TANC1: variants seen among roughly 807,000 people sequenced by gnomAD.
TANC1 encodes the protein tetratricopeptide repeat, ankyrin repeat and coiled-coil containing 1.
A neutral mutation model predicts 149.7 loss-of-function variants in TANC1; 77 were observed. That is an observed-to-expected ratio of 0.51 (90% CI 0.43 to 0.62). The LOEUF (loss-of-function observed/expected upper bound fraction) is 0.62. TANC1 is among the 20% of genes least tolerant of loss of function. The pLI is 0.00. For missense variants in TANC1, 1,985 were observed against 2,321.8 expected, an observed-to-expected ratio of 0.85 and a Z score of 2.98; for synonymous variants, 854 against 925.0, an observed-to-expected ratio of 0.92 and a Z score of 1.39.
At chr2:159,116,976 A>G (rs1203968228) in intron 4 of TANC1, among the ~76,000 whole-genome samples, 1 of 152,190 alleles carries the variant, frequency 6.6e-6, no homozygotes, top group Admixed American at 6.5e-5. Context: ...ACTTTACTTC[A>G]TTGCCACCCG....
At chr2:159,216,475 C>G (rs2059353146) in intron 19 of TANC1, among the ~76,000 whole-genome samples, 1 of 152,186 alleles carries the variant, frequency 6.6e-6, no homozygotes, top group African/African-American at 2.4e-5. Flanking sequence ...AGCTGATCAT[C>G]CTGGCCTGGG....
At chr2:159,053,912 C>T (rs1250469238) in intron 2 of TANC1, among the ~76,000 whole-genome samples, 2 of 152,104 alleles carry the variant, frequency 1.3e-5, no homozygotes, top group African/African-American at 4.8e-5. Flanking sequence ...CACACATGGA[C>T]AGCACTGTAG....
chr2:159,171,871 A>AAAAAG (rs367628268), intron 10 of TANC1, among the ~76,000 whole-genome samples: 15,406 of 105,112 alleles, frequency 0.15, 1,820 homozygotes, highest in East Asian at 0.47. Flanking sequence ...AAAAAAAAAA[A>AAAAAG]AAAAGAAAAA....
intron 17 of TANC1, among the ~76,000 whole-genome samples, chr2:159,195,085 A>C (rs933167165): frequency 6.6e-6 from 1 of 152,200 alleles, no homozygotes; most frequent in South Asian, 2.1e-4. Context: ...TCATATATGA[A>C]GTAAGTATGT....
chr2:159,112,226 T>G (rs535909874), intron 4 of TANC1, among the ~76,000 whole-genome samples: 1 of 152,094 alleles, frequency 6.6e-6, no homozygotes, highest in East Asian at 1.9e-4. Context: ...GTTTTTTGGG[T>G]TTTTTTGTTG....
intron 8 of TANC1, among the ~76,000 whole-genome samples, chr2:159,166,323 A>G (rs62171120): frequency 0.03 from 4,633 of 152,244 alleles, 90 homozygotes; most frequent in African/African-American, 0.055. Context: ...TGGACTTTCC[A>G]TAGGTTAGAC....
At chr2:159,088,214 C>T (rs573350571) in intron 3 of TANC1, among the ~76,000 whole-genome samples, 2 of 152,078 alleles carry the variant, frequency 1.3e-5, no homozygotes, top group East Asian at 1.9e-4. Flanking sequence ...TCAGAGGCTC[C>T]GAGGTTTTGT....
At chr2:159,226,233 T>C in intron 24 of TANC1, 1 of 179,608 alleles carries the variant, frequency 5.6e-6, no homozygotes, top group Non-Finnish European at 1.1e-5. Flanking sequence ...GTTGGCTTAA[T>C]ATCTTTCCGG....
Position 159,227,887 on chromosome 2 carries a change from C to A in TANC1, c.3972C>A (p.Phe1324Leu). 1 of 1,614,094 alleles carries A rather than the reference C, an allele frequency of 6.2e-7. No individual in the cohort carries two copies. Among genetic ancestry groups the A allele is most frequent in the South Asian group, 1.1e-5 (1 of 91,070 alleles). ...TAAGAAAGTTTCCTCGAGAAGGATTCGGAGAGGACATGAGACCCTTCAATG... is the reference window on the plus strand; with the variant it reads ...TAAGAAAGTTTCCTCGAGAAGGATTAGGAGAGGACATGAGACCCTTCAATG... ...YALRKFPREG[F>L]GEDMRPFNEL... Residue 1324 changes from phenylalanine to leucine, a missense_variant, in exon 25 of 27, where the codon TTC becomes TTA. Around this residue, in one of 3 missense-constraint regions of TANC1, gnomAD observed 920 missense variants for 994.7 expected, o/e 0.92. Transcript: ENST00000263635.
chr2:158,987,193 G>GACAGAGCA (rs1157340199), intron 1 of TANC1, among the ~76,000 whole-genome samples: 3 of 121,944 alleles, frequency 2.5e-5, no homozygotes, highest in Non-Finnish European at 5.0e-5. Flanking sequence ...CAGCCTGGGT[G>GACAGAGCA]ACAGAGCAAG....
intron 14 of TANC1, among the ~76,000 whole-genome samples, chr2:159,182,295 T>G (rs113939046): frequency 6.6e-6 from 1 of 152,274 alleles, no homozygotes; most frequent in South Asian, 2.1e-4. Flanking sequence ...TTCCTTTTTT[T>G]TTGTTGAAGT....
intron 2 of TANC1, among the ~76,000 whole-genome samples, chr2:159,010,118 C>T (rs1205699565): frequency 1.3e-5 from 2 of 152,174 alleles, no homozygotes; most frequent in African/African-American, 4.8e-5. Context: ...CCTTTCATTC[C>T]TCAGTAACTT....
At chr2:159,086,934 G>T (rs2044936902) in intron 3 of TANC1, among the ~76,000 whole-genome samples, 1 of 151,220 alleles carries the variant, frequency 6.6e-6, no homozygotes. Flanking sequence ...GAGTTCCTTG[G>T]CAATGAAAAC....
At chr2:159,143,631 T>G (rs2051714311) in intron 5 of TANC1, among the ~76,000 whole-genome samples, 1 of 151,272 alleles carries the variant, frequency 6.6e-6, no homozygotes, top group African/African-American at 2.4e-5. Flanking sequence ...AGAGAAGAAT[T>G]TCTATAATTA....
intron 2 of TANC1, among the ~76,000 whole-genome samples, chr2:159,018,914 T>A (rs1159133925): frequency 1.3e-5 from 2 of 152,200 alleles, no homozygotes; most frequent in Non-Finnish European, 2.9e-5. Flanking sequence ...AATTTGAAAC[T>A]CTTATTATGC....
At position 158,983,628 on chromosome 2, in the gene TANC1, T is replaced by C. The variant is rs73001010; in HGVS notation, c.-126+14846T>C. Among the ~76,000 whole-genome samples the C allele has an allele frequency of 9.0e-4, 137 of 152,252 alleles. 1 individual carries two copies. Among genetic ancestry groups the C allele is most frequent in the African/African-American group, 3.2e-3 (134 of 41,556 alleles). On this transcript the variant is annotated intron_variant, in intron 1 of 26. Transcript: ENST00000263635. ...CAACATGTGAAGCTCCTCAGACTTT[T>C]GTAATGTTTTGCTTGAGTATGGTTT...
intron 3 of TANC1, among the ~76,000 whole-genome samples, chr2:159,070,637 G>T (rs1211744243): frequency 6.6e-6 from 1 of 152,214 alleles, no homozygotes; most frequent in Non-Finnish European, 1.5e-5. Flanking sequence ...ATTTGAAAAT[G>T]TGAGGCAGGT....
At chr2:159,100,374 AT>A (rs1447078702) in intron 4 of TANC1, among the ~76,000 whole-genome samples, 4 of 152,310 alleles carry the variant, frequency 2.6e-5, no homozygotes, top group Admixed American at 2.6e-4. Flanking sequence ...AGGCAGAAGA[AT>A]CCCTGATGAA....
intron 2 of TANC1, among the ~76,000 whole-genome samples, chr2:159,060,821 G>T (rs919422263): frequency 3.3e-5 from 5 of 152,194 alleles, no homozygotes; most frequent in Non-Finnish European, 4.4e-5. Flanking sequence ...TCATGGTTCT[G>T]ATATTGCCAT....
Sources: allele counts gnomAD v4.1 joint callset (sites outside exome capture counted in the v4.1 genomes callset), GRCh38; gene constraint gnomAD v4.1.1; regional missense constraint gnomAD v4.1.1; transcripts MANE v1.5; gene names NCBI Gene and HGNC (gene_info 2026-07-23, HGNC 2026-07-21).